The following CASK variants were observed in gnomAD, a reference collection of about 807,000 sequenced individuals.
The protein encoded by CASK is calcium/calmodulin dependent serine protein kinase.
A neutral mutation model predicts 82.9 loss-of-function variants in CASK; 4 were observed. The ratio of observed to expected loss-of-function variants is 0.05; its 90% CI spans 0.02 to 0.11. CASK has a LOEUF of 0.11. CASK is among the 10% of genes least tolerant of loss of function. The pLI is 1.00. For missense variants in CASK, 358 were observed against 720.9 expected, an observed-to-expected ratio of 0.50 and a Z score of 5.76; for synonymous variants, 259 against 253.5, an observed-to-expected ratio of 1.02 and a Z score of -0.20.
chrX:41,719,480 A>G (rs945473437), intron 5 of CASK, among the ~76,000 whole-genome samples: 1 of 112,199 alleles, frequency 8.9e-6, no homozygotes, highest in African/African-American at 3.2e-5. Flanking sequence ...CTGTTTTGTC[A>G]TTAGTCTTTT....
chrX:41,645,788 T>C (rs2066747319), intron 8 of CASK, among the ~76,000 whole-genome samples: 2 of 106,474 alleles, frequency 1.9e-5, no homozygotes, highest in Admixed American at 2.0e-4. Flanking sequence ...CTAGGTTTTA[T>C]TTAATGATTC....
chrX:41,850,910 G>A (rs1264497412), intron 2 of CASK, among the ~76,000 whole-genome samples: 1 of 111,648 alleles, frequency 9.0e-6, no homozygotes, highest in Non-Finnish European at 1.9e-5. Flanking sequence ...AATCAAGAAA[G>A]CTTGTGTGAA....
intron 2 of CASK, among the ~76,000 whole-genome samples, chrX:41,830,771 G>C (rs2070785089): frequency 1.1e-5 from 1 of 94,617 alleles, no homozygotes; most frequent in African/African-American, 4.0e-5. Flanking sequence ...AGTGAGCCGA[G>C]ATCGCGCCAC....
intron 3 of CASK, among the ~76,000 whole-genome samples, chrX:41,751,642 A>T (rs971567444): frequency 9.0e-6 from 1 of 110,534 alleles, no homozygotes; most frequent in African/African-American, 3.3e-5. Context: ...TAAGAGGTTA[A>T]GGCTCTGATG....
chrX:41,653,044 T>C (rs1270604550), intron 8 of CASK, among the ~76,000 whole-genome samples: 1 of 112,259 alleles, frequency 8.9e-6, no homozygotes, highest in African/African-American at 3.2e-5. Context: ...AATTAGAGAA[T>C]ACCCAGCAGC....
intron 2 of CASK, among the ~76,000 whole-genome samples, chrX:41,814,907 G>A (rs1385867306): frequency 9.0e-6 from 1 of 111,574 alleles, no homozygotes; most frequent in Admixed American, 9.5e-5. Flanking sequence ...GTAAAAGATT[G>A]TGATTCCTAT....
intron 5 of CASK, chrX:41,727,784 T>A (rs1421206196): frequency 8.3e-7 from 1 of 1,205,571 alleles, no homozygotes; most frequent in Non-Finnish European, 1.1e-6. Context: ...CATCTTTTGG[T>A]CATCCAGATT....
intron 1 of CASK, among the ~76,000 whole-genome samples, chrX:41,883,103 T>C (rs1223463307): frequency 1.8e-5 from 2 of 111,752 alleles, no homozygotes; most frequent in Non-Finnish European, 3.8e-5. Context: ...GGCAAAACAT[T>C]TGGTAATACC....
At chrX:41,811,309 C>T in intron 2 of CASK, among the ~76,000 whole-genome samples, 1 of 112,067 alleles carries the variant, frequency 8.9e-6, no homozygotes, top group East Asian at 2.8e-4. Context: ...GCATTTATTC[C>T]AAAACTGACC....
chrX:41,712,363 G>A (rs2067992053), intron 5 of CASK, among the ~76,000 whole-genome samples: 1 of 112,575 alleles, frequency 8.9e-6, no homozygotes, highest in Non-Finnish European at 1.9e-5. Context: ...GAAATTAAAG[G>A]AGAATGCTAG....
intron 1 of CASK, among the ~76,000 whole-genome samples, chrX:41,870,474 G>T (rs1171871419): frequency 6.3e-5 from 7 of 111,961 alleles, no homozygotes. Flanking sequence ...TCAGGCAGAA[G>T]GAAAACTACC....
chrX:41,646,422 T>C (rs1400389125), intron 8 of CASK, among the ~76,000 whole-genome samples: 1 of 111,113 alleles, frequency 9.0e-6, no homozygotes, highest in Non-Finnish European at 1.9e-5. Context: ...TTTTACTTCT[T>C]ATCAGGAGAA....
intron 1 of CASK, among the ~76,000 whole-genome samples, chrX:41,895,964 C>T (rs996696635): frequency 3.6e-5 from 4 of 111,758 alleles, no homozygotes; most frequent in Non-Finnish European, 7.5e-5. Flanking sequence ...CTGGCAACTG[C>T]CTTTTCTCCA....
intron 1 of CASK, among the ~76,000 whole-genome samples, chrX:41,898,917 T>C (rs890598915): frequency 8.9e-6 from 1 of 112,019 alleles, no homozygotes; most frequent in Non-Finnish European, 1.9e-5. Flanking sequence ...TTGGATAAGA[T>C]ATTCTGCAGA....
At chrX:41,521,174 C>A (rs1301763732) in intron 26 of CASK, among the ~76,000 whole-genome samples, 1 of 112,463 alleles carries the variant, frequency 8.9e-6, no homozygotes, top group Non-Finnish European at 1.9e-5. Context: ...AGGTGCCACA[C>A]GTTCTAGGAA....
chrX:41,577,781 T>C (rs1432476288), intron 15 of CASK, among the ~76,000 whole-genome samples: 1 of 111,514 alleles, frequency 9.0e-6, no homozygotes, highest in Non-Finnish European at 1.9e-5. Flanking sequence ...GGAGGCAAGG[T>C]TCAGCATCAA....
chrX:41,787,292 C>A lies in CASK; in HGVS notation c.173-9G>T. The stretch of plus-strand genomic sequence containing the variant: ...GGCTTCCCGCTTTAGATCTGTAAAA[C>A]AAACATACAGCATACTTCATTAGGT... On this transcript the variant is annotated splice_polypyrimidine_tract_variant and intron_variant, in intron 2 of 26. Transcript: ENST00000378163. 9.9e-7 allele frequency: 1 copy of A among 1,013,413 alleles called. No individual in the cohort carries two copies. The highest frequency in any genetic ancestry group is 1.4e-6 in the Non-Finnish European group (1 of 714,999). 83.5% of individuals were successfully genotyped at this position (1,013,413 alleles called of 1,213,427 possible). A position where few individuals can be genotyped will look rare whatever the true frequency, so the allele number is the denominator to read the frequency against.
intron 5 of CASK, among the ~76,000 whole-genome samples, chrX:41,680,596 G>C (rs1196876161): frequency 1.8e-5 from 2 of 110,724 alleles, no homozygotes; most frequent in Non-Finnish European, 3.8e-5. Context: ...TCAGTGGACA[G>C]TGCTGAAAAA....
chrX:41,810,369 G>C (rs890069269), intron 2 of CASK, among the ~76,000 whole-genome samples: 2 of 112,535 alleles, frequency 1.8e-5, no homozygotes, highest in African/African-American at 6.5e-5. Context: ...AAGCCCATCA[G>C]ACTAGCAGCA....
Sources: gnomAD v4.1 joint callset for allele counts (sites outside exome capture counted in the v4.1 genomes callset) on GRCh38, gnomAD v4.1.1 for gene constraint, MANE v1.5 for transcripts, NCBI Gene and HGNC (gene_info 2026-07-23, HGNC 2026-07-21) for gene names.